The following ADGRA1 variants were observed in gnomAD, a reference collection of about 807,000 sequenced individuals.
The protein encoded by ADGRA1 is G-protein coupled receptor 123.
Under a neutral mutation model 21.3 loss-of-function variants are expected in ADGRA1, and 12 were observed. That is an observed-to-expected ratio of 0.56 (90% CI 0.36 to 0.91). The LOEUF is 0.91. Ranked by LOEUF, ADGRA1 falls within the 40% of genes least tolerant of loss-of-function variation. The probability of loss-of-function intolerance (pLI) is 0.01; values close to 1 mark genes in which losing one functional copy is unlikely to be tolerated. For missense variants in ADGRA1, 790 were observed against 805.6 expected (o/e 0.98, Z 0.23); for synonymous variants, 385 against 368.8 (o/e 1.04, Z -0.50).
chr10:133,092,814 G>GGGAA (rs375257164), intron 2 of ADGRA1, among the ~76,000 whole-genome samples: 1 of 122,842 alleles, frequency 8.1e-6, no homozygotes, highest in Non-Finnish European at 1.7e-5. Context: ...AGGGAAGGGA[G>GGGAA]GGAAGGAAGG....
At chr10:133,123,897 C>T (rs924500054) in intron 5 of ADGRA1, among the ~76,000 whole-genome samples, 5 of 152,186 alleles carry the variant, frequency 3.3e-5, no homozygotes, top group Admixed American at 2.0e-4. Context: ...CACCATTCAC[C>T]GCCACTCACT....
intron 5 of ADGRA1, among the ~76,000 whole-genome samples, chr10:133,120,739 G>T: frequency 6.6e-6 from 1 of 152,324 alleles, no homozygotes; most frequent in Non-Finnish European, 1.5e-5. Flanking sequence ...CCATGAGGCT[G>T]TTTCACTTTC....
chr10:133,103,851 G>A (rs56138741), intron 5 of ADGRA1, among the ~76,000 whole-genome samples: 19,605 of 152,274 alleles, frequency 0.13, 1,550 homozygotes, highest in Non-Finnish European at 0.16. Flanking sequence ...AGCCAGGCTC[G>A]GAGCGTGGCC....
intron 5 of ADGRA1, among the ~76,000 whole-genome samples, chr10:133,111,141 T>A (rs1280045023): frequency 9.9e-6 from 1 of 101,460 alleles, no homozygotes; most frequent in Non-Finnish European, 2.2e-5. Flanking sequence ...CAGGGGTGCC[T>A]CCTCTCCTAA....
chr10:133,127,878 CCTGGCCCCGCCCACCCCACG>C (rs1206510816), intron 6 of ADGRA1, among the ~76,000 whole-genome samples: 3 of 127,696 alleles, frequency 2.3e-5, no homozygotes, highest in Non-Finnish European at 5.0e-5. Flanking sequence ...TCCACCTCCG[CCTGGCCCCGCCCACCCCACG>C]CTGGCCACGC....
At chr10:133,088,669 A>T in intron 1 of ADGRA1, 39 bp from the exon 2 acceptor site, 1 of 1,186,686 alleles carries the variant, frequency 8.4e-7, no homozygotes, top group Non-Finnish European at 1.1e-6. Context: ...CTCCGCGGGG[A>T]CCCTCCGCCC....
Position 133,119,111 on chromosome 10 carries a change from AC to A in ADGRA1, c.402-8119del, listed in dbSNP as rs542910661. Among the ~76,000 whole-genome samples the A allele has an allele frequency of 1.7e-3, 257 of 152,286 alleles. 1 individual carries two copies. The highest frequency in any genetic ancestry group is 6.1e-3 in the African/African-American group (252 of 41,564). On this transcript the variant is annotated intron_variant, in intron 5 of 6. Transcript: ENST00000392607. ...ATGCTCACATCACACTTGCACGCAC[AC>A]CCGCAAAGCACCCCACATGGAGCAC... is the stretch of plus-strand genomic sequence containing the variant.
chr10:133,107,856 G>A (rs1334292526), intron 5 of ADGRA1, among the ~76,000 whole-genome samples: 1 of 152,234 alleles, frequency 6.6e-6, no homozygotes, highest in South Asian at 2.1e-4. Context: ...GTGTCAAGCT[G>A]AATGAAGGGA....
Position 133,129,962 on chromosome 10 carries a change from T to C in ADGRA1, c.*451T>C, listed in dbSNP as rs1852483385. The stretch of plus-strand genomic sequence containing the variant: ...CTGGTGTGGCCGGGCAGGGCCGAGA[T>C]CGCAGGAGGGGGCTGCCCTGACCTT... On this transcript the variant is annotated 3_prime_UTR_variant, in exon 7 of 7. Coordinates refer to ENST00000392607, the MANE Select transcript of ADGRA1 (RefSeq NM_001083909.3). 1 of 174,364 alleles carries C rather than the reference T, an allele frequency of 5.7e-6. No homozygotes were observed. The highest frequency in any genetic ancestry group is 1.5e-4 in the South Asian group (1 of 6,680). The allele number at this position is 174,364 out of a possible 1,614,324, so 10.8% of individuals were successfully genotyped here. A position where few individuals can be genotyped will look rare whatever the true frequency, so the allele number is the denominator to read the frequency against.
At chr10:133,112,305 G>A (rs1345538092) in intron 5 of ADGRA1, among the ~76,000 whole-genome samples, 5 of 151,782 alleles carry the variant, frequency 3.3e-5, no homozygotes, top group African/African-American at 9.7e-5. Flanking sequence ...CAGTTATTTG[G>A]GGTCTGCGGG....
chr10:133,101,673 CGA>C (rs1851797705), intron 4 of ADGRA1, among the ~76,000 whole-genome samples: 1 of 152,194 alleles, frequency 6.6e-6, no homozygotes, highest in East Asian at 1.9e-4. Flanking sequence ...CCCTACTCCT[CGA>C]CACGGTGCCC....
At position 133,129,384 on chromosome 10, in the gene ADGRA1, C is replaced by T. The variant is rs1471500564; in HGVS notation, c.1556C>T (p.Ser519Phe). ...TTGGAGATGCTGCGGAGGACACAGT[C>T]CCTGCCCTTTGGTGGCCCCAGCCAG... ...GHLEMLRRTQ[S>F]LPFGGPSQNG... The change falls in exon 7 of 7, where the codon TCC becomes TTC. Residue 519 changes from serine to phenylalanine, a missense_variant. Transcript: ENST00000392607. 6 of 1,604,754 alleles carry T rather than the reference C, an allele frequency of 3.7e-6. No homozygotes were observed. The highest frequency in any genetic ancestry group is 5.1e-6 in the Non-Finnish European group (6 of 1,178,040).
chr10:133,097,990 C>T (rs894746974), intron 3 of ADGRA1, among the ~76,000 whole-genome samples: 5 of 152,222 alleles, frequency 3.3e-5, no homozygotes, highest in African/African-American at 9.6e-5. Flanking sequence ...TTAGTGCCGT[C>T]CTACCAACTC....
At position 133,128,340 on chromosome 10, in the gene ADGRA1, C is replaced by G. The variant is rs765175986; in HGVS notation, c.512C>G (p.Ala171Gly). The change falls in exon 7 of 7, where the codon GCC (alanine) becomes GGC (glycine). Residue 171 changes from alanine to glycine, a missense_variant. Coordinates refer to ENST00000392607, the MANE Select transcript of ADGRA1 (RefSeq NM_001083909.3). ...EDEDTAYCWMAWEPSLGAFYG... is the reference protein window; with the variant it reads ...EDEDTAYCWMGWEPSLGAFYG... ...GCGTCTCCCCACAGCTGCTGGATGG[C>G]CTGGGAGCCCAGCCTGGGCGCCTTC... 1 of 1,549,546 alleles carries G rather than the reference C, an allele frequency of 6.5e-7. No homozygotes were observed. Among genetic ancestry groups the G allele is most frequent in the East Asian group, 2.3e-5 (1 of 43,846 alleles).
At chr10:133,108,674 A>C (rs1463436370) in intron 5 of ADGRA1, among the ~76,000 whole-genome samples, 1 of 152,110 alleles carries the variant, frequency 6.6e-6, no homozygotes, top group Non-Finnish European at 1.5e-5. Context: ...CCAGTCCACA[A>C]AACACCATTT....
At chr10:133,127,083 TC>T (rs1852388871) in intron 5 of ADGRA1, 149 bp from the exon 6 acceptor site, 1 of 431,792 alleles carries the variant, frequency 2.3e-6, no homozygotes, top group Non-Finnish European at 4.0e-6. Flanking sequence ...TGGTCGGGGG[TC>T]GGGGGTCGGG....
At chr10:133,089,070 G>T in intron 2 of ADGRA1, 158 bp downstream of exon 2, 2 of 1,217,872 alleles carry the variant, frequency 1.6e-6, no homozygotes, top group Non-Finnish European at 2.1e-6. Context: ...TCTGTGGAGT[G>T]GGGGCCGGGG....
chr10:133,109,774 G>A (rs577943729), intron 5 of ADGRA1, among the ~76,000 whole-genome samples: 1 of 152,346 alleles, frequency 6.6e-6, no homozygotes, highest in Admixed American at 6.5e-5. Context: ...AAACGGCAGG[G>A]ATGTAGTAAA....
chr10:133,124,874 G>A (rs968344589), intron 5 of ADGRA1, among the ~76,000 whole-genome samples: 28 of 152,198 alleles, frequency 1.8e-4, no homozygotes, highest in Non-Finnish European at 1.0e-4. Flanking sequence ...GCACGTCCAC[G>A]GCGGTGACTG....
Sources: allele counts gnomAD v4.1 joint callset (sites outside exome capture counted in the v4.1 genomes callset), GRCh38; gene constraint gnomAD v4.1.1; transcripts MANE v1.5; gene names NCBI Gene and HGNC (gene_info 2026-07-23, HGNC 2026-07-21).